Variants in TMEM150C observed in about 807,000 individuals in gnomAD.
The protein encoded by TMEM150C is tentonin 3.
A neutral mutation model predicts 29.9 loss-of-function variants in TMEM150C; 10 were observed. The observed-to-expected ratio is 0.33, with a 90% CI of 0.21 to 0.57. The LOEUF (loss-of-function observed/expected upper bound fraction) is 0.57. Ranked by LOEUF, TMEM150C falls within the 20% of genes least tolerant of loss-of-function variation. The probability of loss-of-function intolerance (pLI) is 0.88; values close to 1 mark genes in which losing one functional copy is unlikely to be tolerated. For synonymous variants in TMEM150C, 101 were observed against 112.5 expected (o/e 0.90, Z 0.64); for missense variants, 251 against 303.6 (o/e 0.83, Z 1.29).
chr4:82,506,439 GA>G lies in TMEM150C; in HGVS notation c.-10-1773del, dbSNP rs142408844. 2.6e-3 allele frequency among the ~76,000 whole-genome samples: 394 copies of G among 152,300 alleles called. 3 individuals are homozygous for G. Among genetic ancestry groups the G allele is most frequent in the African/African-American group, 9.4e-3 (389 of 41,570 alleles). ...AATAAATTACAGAATCTAGTTTACA[GA>G]TCTAAATTACAGAATAGAGTTGAAA... On this transcript the variant is annotated intron_variant, in intron 1 of 7. Transcript: ENST00000449862.
intron 1 of TMEM150C, among the ~76,000 whole-genome samples, chr4:82,547,318 G>C (rs1233229047): frequency 2.0e-5 from 3 of 152,064 alleles, no homozygotes; most frequent in Admixed American, 6.6e-5. Flanking sequence ...GCTGGGCGCA[G>C]TGGCTCATGC....
intron 1 of TMEM150C, among the ~76,000 whole-genome samples, chr4:82,509,275 T>C (rs1479389348): frequency 6.6e-6 from 1 of 152,152 alleles, no homozygotes; most frequent in Non-Finnish European, 1.5e-5. Context: ...GTTCTCTTTG[T>C]TCCTCTCAGA....
At chr4:82,553,003 C>T (rs997237824) in intron 1 of TMEM150C, among the ~76,000 whole-genome samples, 2 of 152,154 alleles carry the variant, frequency 1.3e-5, no homozygotes, top group African/African-American at 2.4e-5. Flanking sequence ...AACTGCTGTC[C>T]AGTAGCCACA....
chr4:82,555,566 C>A (rs1725711132), intron 1 of TMEM150C, among the ~76,000 whole-genome samples: 1 of 152,194 alleles, frequency 6.6e-6, no homozygotes, highest in Non-Finnish European at 1.5e-5. Flanking sequence ...CCTCCTCTTA[C>A]ACAGAAAATA....
chr4:82,561,773 C>A, intron 1 of TMEM150C, 133 bp downstream of exon 1: 9 of 640,874 alleles, frequency 1.4e-5, no homozygotes, highest in Non-Finnish European at 1.7e-5. Context: ...CGCAGCCGGG[C>A]GGACCCAGCC....
Position 82,484,042 on chromosome 4 carries a change from TCAGCCTCCCAAA to T in TMEM150C, c.*1457_*1468del, listed in dbSNP as rs1247266582. On this transcript the variant is annotated 3_prime_UTR_variant, in exon 8 of 8. Transcript: ENST00000449862. ...CCCAACCTCAGGTGATCCGCCCGCC[TCAGCCTCCCAAA>T]GTGCTGGGATTACAGGTGTGAGCCC... 1 of 152,162 alleles carries T rather than the reference TCAGCCTCCCAAA, an allele frequency of 6.6e-6. No homozygotes were observed. Among genetic ancestry groups the T allele is most frequent in the East Asian group, 1.9e-4 (1 of 5,188 alleles). 9.4% of individuals were successfully genotyped at this position (152,162 alleles called of 1,614,324 possible). A position where few individuals can be genotyped will look rare whatever the true frequency, so the allele number is the denominator to read the frequency against.
intron 1 of TMEM150C, among the ~76,000 whole-genome samples, chr4:82,520,697 A>G (rs1724454395): frequency 6.6e-6 from 1 of 152,168 alleles, no homozygotes; most frequent in South Asian, 2.1e-4. Flanking sequence ...AACCTAGGCA[A>G]CATAGCAAGC....
chr4:82,557,978 G>A (rs1725793953), intron 1 of TMEM150C, among the ~76,000 whole-genome samples: 2 of 151,906 alleles, frequency 1.3e-5, no homozygotes, highest in Admixed American at 6.6e-5. Context: ...TGATCCACCC[G>A]CCTCAGCCTC....
At chr4:82,511,659 G>T (rs1281247645) in intron 1 of TMEM150C, among the ~76,000 whole-genome samples, 6 of 151,832 alleles carry the variant, frequency 4.0e-5, no homozygotes, top group African/African-American at 9.7e-5. Context: ...TAGAGACAGG[G>T]TCTCATCATA....
intron 1 of TMEM150C, among the ~76,000 whole-genome samples, chr4:82,530,801 G>A (rs1220060053): frequency 1.3e-5 from 2 of 152,170 alleles, no homozygotes; most frequent in African/African-American, 4.8e-5. Context: ...AAGCATAGTA[G>A]CTTCTGGAGA....
intron 6 of TMEM150C, chr4:82,495,532 CT>C (rs1363510299): frequency 2.5e-4 from 89 of 355,398 alleles, no homozygotes; most frequent in South Asian, 5.3e-4. Context: ...AGCCTTCTCT[CT>C]TTTTTTTCAC....
intron 1 of TMEM150C, among the ~76,000 whole-genome samples, chr4:82,505,090 A>C (rs1167324258): frequency 1.3e-5 from 2 of 152,242 alleles, no homozygotes; most frequent in Non-Finnish European, 2.9e-5. Flanking sequence ...TGAAACCATG[A>C]TTCAAATTGG....
At chr4:82,556,119 C>T (rs1347714352) in intron 1 of TMEM150C, among the ~76,000 whole-genome samples, 1 of 151,304 alleles carries the variant, frequency 6.6e-6, no homozygotes, top group African/African-American at 2.4e-5. Context: ...GGGGGGATTA[C>T]AGGCACACAT....
chr4:82,525,106 A>G (rs151035168), intron 1 of TMEM150C, among the ~76,000 whole-genome samples: 1,757 of 152,350 alleles, frequency 0.012, 20 homozygotes, highest in South Asian at 0.027. Flanking sequence ...GGAGGTGACC[A>G]TACAAAGAAC....
At chr4:82,515,594 G>T (rs60599582) in intron 1 of TMEM150C, among the ~76,000 whole-genome samples, 13,791 of 151,998 alleles carry the variant, frequency 0.091, 839 homozygotes, top group African/African-American at 0.18. Flanking sequence ...AAAATTAGCC[G>T]GGCATGGTGG....
At chr4:82,555,045 A>C (rs1356419256) in intron 1 of TMEM150C, among the ~76,000 whole-genome samples, 1 of 152,238 alleles carries the variant, frequency 6.6e-6, no homozygotes, top group Admixed American at 6.5e-5. Context: ...ATGGACTTTA[A>C]GTGATCCGAT....
intron 1 of TMEM150C, among the ~76,000 whole-genome samples, chr4:82,507,080 T>G (rs1435118951): frequency 6.6e-6 from 1 of 152,148 alleles, no homozygotes; most frequent in Non-Finnish European, 1.5e-5. Context: ...TGAACACTAT[T>G]GAATGCAAAG....
In TMEM150C at chr4:82,496,180, A is replaced by G. The variant is rs61746885; in HGVS notation, c.251T>C (p.Val84Ala). The G allele has an allele frequency of 5.2e-4, 834 of 1,613,954 alleles. 4 individuals carry two copies. In the African/African-American group the frequency reaches 8.8e-3, roughly 17 times the overall value. ...CGGTTTCAGTTGTATGAAGCGCAGA[A>G]CAGCTACCACAAGGGCTAGGAATAA... The part of the protein sequence containing the change: ...MAAFLALVVA[V>A]LRFIQLKPKV... The change falls in exon 6 of 8, where the codon GTT (valine) becomes GCT (alanine). Residue 84 changes from valine to alanine, a missense_variant. Coordinates refer to ENST00000449862, the MANE Select transcript of TMEM150C (RefSeq NM_001080506.3).
At chr4:82,501,294 G>A (rs1164337107) in intron 5 of TMEM150C, among the ~76,000 whole-genome samples, 1 of 152,196 alleles carries the variant, frequency 6.6e-6, no homozygotes, top group Admixed American at 6.5e-5. Context: ...GTGCCCACAG[G>A]TGCACCAGAT....
Sources: allele counts gnomAD v4.1 joint callset (sites outside exome capture counted in the v4.1 genomes callset), GRCh38; gene constraint gnomAD v4.1.1; transcripts MANE v1.5; gene names NCBI Gene and HGNC (gene_info 2026-07-23, HGNC 2026-07-21).